IL1RAPL2: variants seen among roughly 807,000 people sequenced by gnomAD.
IL1RAPL2 encodes interleukin 1 receptor accessory protein like 2.
In IL1RAPL2, 3 loss-of-function variants were observed where a neutral mutation model predicts 44.1. The observed-to-expected ratio is 0.07, with a 90% CI of 0.03 to 0.18. IL1RAPL2 has a LOEUF of 0.18. IL1RAPL2 is among the 10% of genes least tolerant of loss of function. The pLI, the probability that IL1RAPL2 is intolerant of heterozygous loss-of-function variation, is 1.00. For synonymous variants in IL1RAPL2, 181 were observed against 178.8 expected (o/e 1.01, Z -0.10); for missense variants, 391 against 496.4 (o/e 0.79, Z 2.02).
intron 2 of IL1RAPL2, among the ~76,000 whole-genome samples, chrX:104,853,214 G>C (rs1233349394): frequency 1.8e-5 from 2 of 111,939 alleles, no homozygotes; most frequent in African/African-American, 6.5e-5. Flanking sequence ...CGTTTGGTTG[G>C]TGTGAAGAAT....
intron 5 of IL1RAPL2, among the ~76,000 whole-genome samples, chrX:105,479,891 G>A (rs1287556877): frequency 1.8e-5 from 2 of 111,506 alleles, no homozygotes; most frequent in Admixed American, 1.9e-4. Context: ...TGTAAATGTA[G>A]GAAACATTGG....
At chrX:104,766,410 T>TCTTCCCTC (rs760464959) in intron 2 of IL1RAPL2, among the ~76,000 whole-genome samples, 1 of 108,956 alleles carries the variant, frequency 9.2e-6, no homozygotes. Context: ...TGCCTGCCTT[T>TCTTCCCTC]CTTCCCTCCT....
chrX:105,671,088 A>G (rs2037821097), intron 6 of IL1RAPL2, among the ~76,000 whole-genome samples: 1 of 110,409 alleles, frequency 9.1e-6, no homozygotes, highest in East Asian at 2.8e-4. Flanking sequence ...CTGGGATTAC[A>G]GGCACCCACC....
At chrX:104,574,868 G>A (rs753586599) in intron 1 of IL1RAPL2, among the ~76,000 whole-genome samples, 10 of 112,208 alleles carry the variant, frequency 8.9e-5, no homozygotes, top group African/African-American at 3.2e-4. Context: ...CATATGAAAT[G>A]TATAGAAAGT....
intron 6 of IL1RAPL2, among the ~76,000 whole-genome samples, chrX:105,674,607 C>A (rs1336654795): frequency 8.9e-6 from 1 of 111,887 alleles, no homozygotes; most frequent in Non-Finnish European, 1.9e-5. Context: ...ATGATGCCTC[C>A]AGCATTGTTC....
chrX:105,669,812 C>G (rs776578743), intron 6 of IL1RAPL2, among the ~76,000 whole-genome samples: 2 of 109,818 alleles, frequency 1.8e-5, no homozygotes, highest in Non-Finnish European at 3.8e-5. Context: ...CACTAAACTT[C>G]TCTCCATTTC....
chrX:105,293,504 C>T (rs1270337107), intron 5 of IL1RAPL2, among the ~76,000 whole-genome samples: 4 of 111,993 alleles, frequency 3.6e-5, no homozygotes, highest in Admixed American at 9.5e-5. Context: ...TGAGAATACC[C>T]GTTTCCCCAA....
intron 2 of IL1RAPL2, among the ~76,000 whole-genome samples, chrX:104,847,274 T>A (rs1479799621): frequency 1.7e-4 from 19 of 112,153 alleles, no homozygotes; most frequent in African/African-American, 6.2e-4. Flanking sequence ...TGCCCATGCC[T>A]ATGTCCTGAA....
intron 5 of IL1RAPL2, among the ~76,000 whole-genome samples, chrX:105,373,846 C>T (rs1048035096): frequency 9.1e-6 from 1 of 110,390 alleles, no homozygotes; most frequent in Admixed American, 9.7e-5. Flanking sequence ...GGTCTGGGCG[C>T]AGTGGCTCAC....
chrX:105,205,017 T>C (rs1447050862), intron 3 of IL1RAPL2, among the ~76,000 whole-genome samples: 1 of 110,806 alleles, frequency 9.0e-6, no homozygotes, highest in African/African-American at 3.3e-5. Flanking sequence ...CATTCTAGAG[T>C]TGGGAAAACA....
intron 2 of IL1RAPL2, among the ~76,000 whole-genome samples, chrX:104,887,352 A>C (rs1406280130): frequency 8.9e-6 from 1 of 112,300 alleles, no homozygotes; most frequent in Non-Finnish European, 1.9e-5. Context: ...GAGAGAGCAG[A>C]GATAGCTCTT....
intron 5 of IL1RAPL2, among the ~76,000 whole-genome samples, chrX:105,474,764 G>A (rs995997348): frequency 2.7e-5 from 3 of 111,505 alleles, no homozygotes; most frequent in African/African-American, 9.8e-5. Flanking sequence ...CATCAGTTTA[G>A]TGAAGTGTTT....
chrX:104,652,927 C>T (rs762858832), intron 1 of IL1RAPL2, among the ~76,000 whole-genome samples: 2 of 110,992 alleles, frequency 1.8e-5, no homozygotes, highest in Non-Finnish European at 3.8e-5. Context: ...GCCTTTCATA[C>T]ATCTCTTCTT....
chrX:105,401,923 G>A (rs968596491), intron 5 of IL1RAPL2, among the ~76,000 whole-genome samples: 4 of 109,551 alleles, frequency 3.7e-5, no homozygotes, highest in African/African-American at 9.9e-5. Flanking sequence ...CTATTAATTA[G>A]CATACATTTT....
At chrX:105,231,210 G>A (rs2034067030) in intron 3 of IL1RAPL2, among the ~76,000 whole-genome samples, 1 of 112,085 alleles carries the variant, frequency 8.9e-6, no homozygotes, top group African/African-American at 3.2e-5. Flanking sequence ...AAATAACTGT[G>A]ACCATTTAGC....
intron 2 of IL1RAPL2, among the ~76,000 whole-genome samples, chrX:104,786,122 T>G (rs986738553): frequency 1.8e-5 from 2 of 112,372 alleles, no homozygotes; most frequent in African/African-American, 6.4e-5. Flanking sequence ...CCCTAAGCTG[T>G]TTTTCTTTTT....
At chrX:104,875,170 C>T (rs766436989) in intron 2 of IL1RAPL2, among the ~76,000 whole-genome samples, 1 of 111,836 alleles carries the variant, frequency 8.9e-6, no homozygotes, top group Non-Finnish European at 1.9e-5. Flanking sequence ...CTCCATGAAG[C>T]CTGCCCTGGC....
chrX:104,680,793 T>C (rs1471847746), intron 2 of IL1RAPL2, among the ~76,000 whole-genome samples: 1 of 111,896 alleles, frequency 8.9e-6, no homozygotes, highest in African/African-American at 3.2e-5. Context: ...TTCTTTCCAA[T>C]TTCTTCCCTG....
chrX:104,887,424 T>C (rs1470330317), intron 2 of IL1RAPL2, among the ~76,000 whole-genome samples: 2 of 112,033 alleles, frequency 1.8e-5, no homozygotes, highest in African/African-American at 6.5e-5. Context: ...AGTAGGGAAA[T>C]TGATGTAGTA....
Sources: gnomAD v4.1 joint callset for allele counts (sites outside exome capture counted in the v4.1 genomes callset) on GRCh38, gnomAD v4.1.1 for gene constraint, MANE v1.5 for transcripts, NCBI Gene and HGNC (gene_info 2026-07-23, HGNC 2026-07-21) for gene names.